ANO2: variants seen among roughly 807,000 people sequenced by gnomAD.
ANO2 encodes the protein anoctamin 2.
ANO2 carries 101 observed loss-of-function variants against 124.2 expected under a neutral mutation model. The ratio of observed to expected loss-of-function variants is 0.81; its 90% CI spans 0.69 to 0.96. The LOEUF (loss-of-function observed/expected upper bound fraction) is 0.96. Ranked by LOEUF, ANO2 falls within the 40% of genes least tolerant of loss-of-function variation. The pLI is 0.00. For synonymous variants in ANO2, 486 were observed against 482.5 expected (o/e 1.01, Z -0.09); for missense variants, 1,293 against 1,274.5 (o/e 1.01, Z -0.22).
chr12:5,918,211 C>T (rs188404161), intron 3 of ANO2, among the ~76,000 whole-genome samples: 3 of 152,312 alleles, frequency 2.0e-5, no homozygotes, highest in Non-Finnish European at 4.4e-5. Flanking sequence ...AGCACTCCCA[C>T]AGCAAGGAAG....
At chr12:5,772,523 A>G (rs1264417131) in intron 10 of ANO2, among the ~76,000 whole-genome samples, 1 of 152,210 alleles carries the variant, frequency 6.6e-6, no homozygotes, top group Non-Finnish European at 1.5e-5. Flanking sequence ...ATTTTGTCTA[A>G]TTTTTCGCTG....
intron 17 of ANO2, 44 bp from the exon 18 acceptor site, chr12:5,613,002 T>C: frequency 6.2e-7 from 1 of 1,601,550 alleles, no homozygotes; most frequent in East Asian, 2.2e-5. Context: ...AGAGAAAGCA[T>C]GCAGGGTGGC....
intron 3 of ANO2, among the ~76,000 whole-genome samples, chr12:5,878,457 C>T (rs939386627): frequency 1.2e-4 from 19 of 152,208 alleles, no homozygotes; most frequent in Admixed American, 2.0e-4. Context: ...TGGCACAATG[C>T]CTGGGTCATA....
chr12:5,946,103 TGAA>T (rs781383722), upstream of ANO2: 6 of 1,604,608 alleles, frequency 3.7e-6, no homozygotes, highest in African/African-American at 6.7e-5. The surrounding 1 kb of genome is among the most constrained non-coding windows in gnomAD (Gnocchi z 4.1). Context: ...ACCCCCAAAA[TGAA>T]GAAGTACTAT....
chr12:5,575,232 C>G (rs1942330565), intron 23 of ANO2, among the ~76,000 whole-genome samples: 1 of 152,226 alleles, frequency 6.6e-6, no homozygotes, highest in South Asian at 2.1e-4. Context: ...ATCTGTTCTG[C>G]TTATTTTCTT....
intron 3 of ANO2, among the ~76,000 whole-genome samples, chr12:5,884,256 T>A (rs1027320493): frequency 6.6e-6 from 1 of 152,210 alleles, no homozygotes; most frequent in Non-Finnish European, 1.5e-5. Context: ...GAGAAGAGGA[T>A]GAAATTACTA....
chr12:5,883,264 T>C lies in ANO2; in HGVS notation c.535-29123A>G, dbSNP rs148940166. 4.0e-4 allele frequency among the ~76,000 whole-genome samples: 61 copies of C among 152,308 alleles called. 1 individual carries two copies. In the East Asian group the frequency reaches 0.011, roughly 27 times the overall value. On this transcript the variant is annotated intron_variant, in intron 3 of 24. Transcript: ENST00000682330. ...CCCTCCATTAGAACTCAGGTTCACC[T>C]GAGGTAGAGGACACATGTCCCCCAG...
intron 15 of ANO2, among the ~76,000 whole-genome samples, chr12:5,639,678 T>A (rs365211): frequency 0.27 from 40,732 of 151,698 alleles, 6,096 homozygotes; most frequent in Admixed American, 0.37. Context: ...AGGGGACAGG[T>A]GGAGTGGGAG....
intron 4 of ANO2, among the ~76,000 whole-genome samples, chr12:5,852,455 C>T (rs1954940959): frequency 6.6e-6 from 1 of 152,156 alleles, no homozygotes; most frequent in Admixed American, 6.5e-5. Flanking sequence ...GTTTAATAAG[C>T]ATTTGTCCAC....
At chr12:5,748,749 G>T (rs2137088968) in intron 11 of ANO2, among the ~76,000 whole-genome samples, 1 of 151,486 alleles carries the variant, frequency 6.6e-6, no homozygotes, top group East Asian at 2.0e-4. Context: ...TAGATGCACT[G>T]GGGAAAACAC....
chr12:5,564,035 C>G (rs757208475), intron 24 of ANO2, among the ~76,000 whole-genome samples: 1 of 152,236 alleles, frequency 6.6e-6, no homozygotes, highest in Non-Finnish European at 1.5e-5. Flanking sequence ...ACTTGTTCCT[C>G]TCCTCCCTCC....
At chr12:5,939,925 T>C (rs1459655287) in intron 1 of ANO2, among the ~76,000 whole-genome samples, 2 of 152,228 alleles carry the variant, frequency 1.3e-5, no homozygotes, top group African/African-American at 4.8e-5. Context: ...AAAAGCTTGG[T>C]GTAGCATGTT....
chr12:5,787,787 A>G lies in ANO2; in HGVS notation c.1055+11720T>C, dbSNP rs1012485896. 2.0e-5 allele frequency among the ~76,000 whole-genome samples: 3 copies of G among 151,984 alleles called. No individual in the cohort carries two copies. The highest frequency in any genetic ancestry group is 7.3e-5 in the African/African-American group (3 of 41,358). On this transcript the variant is annotated intron_variant, in intron 10 of 24. Coordinates refer to ENST00000682330, the MANE Select transcript of ANO2 (RefSeq NM_001364791.2). The surrounding 1 kb of genome is among the most constrained non-coding windows in gnomAD (Gnocchi z 4.2). ...TGGATGGCCTTATATCTCCATTCCC[A>G]TTACACTTCTGTCCTCCTCTCTAGT...
intron 14 of ANO2, among the ~76,000 whole-genome samples, chr12:5,661,590 G>A (rs1157990635): frequency 3.3e-5 from 5 of 152,222 alleles, no homozygotes; most frequent in African/African-American, 7.2e-5. Flanking sequence ...ACTCAGTGAC[G>A]CTCAGGCCAT....
chr12:5,933,873 C>A (rs1309560017), intron 1 of ANO2, among the ~76,000 whole-genome samples: 2 of 152,310 alleles, frequency 1.3e-5, no homozygotes, highest in Non-Finnish European at 2.9e-5. Context: ...CCTTCCCTAA[C>A]CACTGAAGGA....
chr12:5,924,523 G>A (rs1274678898), intron 1 of ANO2, among the ~76,000 whole-genome samples: 5 of 152,218 alleles, frequency 3.3e-5, no homozygotes, highest in Non-Finnish European at 5.9e-5. Flanking sequence ...AAGGGCAGGC[G>A]TGGGCACACC....
chr12:5,661,991 G>A (rs1020316485), intron 14 of ANO2, among the ~76,000 whole-genome samples: 4 of 152,164 alleles, frequency 2.6e-5, no homozygotes, highest in African/African-American at 4.8e-5. Context: ...AGGCAGCCCC[G>A]CCAACTCGCC....
chr12:5,850,027 T>C lies in ANO2; in HGVS notation c.633+4016A>G, dbSNP rs977254820. On this transcript the variant is annotated intron_variant, in intron 4 of 24. Transcript: ENST00000682330. ...AGCCTCAGATTAATTTTTACAAACATAGCATCCTACCCAGCATACCAAGTT... is the reference window on the plus strand; with the variant it reads ...AGCCTCAGATTAATTTTTACAAACACAGCATCCTACCCAGCATACCAAGTT... Among the ~76,000 whole-genome samples, 8 of 152,200 alleles carry C rather than the reference T, an allele frequency of 5.3e-5. No homozygotes were observed. In the East Asian group the frequency reaches 1.4e-3, roughly 26 times the overall value.
rs1323273319 is a variant in ANO2, at chr12:5,812,598, A to AAGG, written c.893-5231_893-5230insCCT. 1.3e-3 allele frequency among the ~76,000 whole-genome samples: 129 copies of AAGG among 99,658 alleles called. 8 individuals are homozygous for AAGG. The highest frequency in any genetic ancestry group is 4.8e-3 in the African/African-American group (123 of 25,504). The allele number at this position is 99,658 out of a possible 152,430, so 65.4% of individuals were successfully genotyped here. A position where few individuals can be genotyped will look rare whatever the true frequency, so the allele number is the denominator to read the frequency against. On this transcript the variant is annotated intron_variant, in intron 7 of 24. Transcript: ENST00000682330. Reference sequence around the variant, plus strand: ...AAAAGAAAGAGAAAGAAAGAGGAAGAAGAAAAAGGAAGGAAGGTGGAAGGA... The same window carrying AAGG: ...AAAAGAAAGAGAAAGAAAGAGGAAGAAGGAGAAAAAGGAAGGAAGGTGGAAGGA...
Sources: gnomAD v4.1 joint callset for allele counts (sites outside exome capture counted in the v4.1 genomes callset) on GRCh38, gnomAD v4.1.1 for gene constraint, Gnocchi (gnomAD v3.1) non-coding constraint, MANE v1.5 for transcripts, NCBI Gene and HGNC (gene_info 2026-07-23, HGNC 2026-07-21) for gene names.